RPH3A: variants seen among roughly 807,000 people sequenced by gnomAD.
The protein encoded by RPH3A is rabphilin-3A.
Under a neutral mutation model 102.2 loss-of-function variants are expected in RPH3A, and 48 were observed. The ratio of observed to expected loss-of-function variants is 0.47; its 90% CI spans 0.37 to 0.60. RPH3A has a LOEUF of 0.60. Ranked by LOEUF, RPH3A falls within the 20% of genes least tolerant of loss-of-function variation. RPH3A has a pLI of 0.00. For synonymous variants in RPH3A, 310 were observed against 324.3 expected, an observed-to-expected ratio of 0.96 and a Z score of 0.47; for missense variants, 781 against 910.1, an observed-to-expected ratio of 0.86 and a Z score of 1.83.
At chr12:112,800,750 C>T (rs564057788) in intron 2 of RPH3A, among the ~76,000 whole-genome samples, 1 of 152,038 alleles carries the variant, frequency 6.6e-6, no homozygotes, top group Non-Finnish European at 1.5e-5. Flanking sequence ...CAATCAGGGT[C>T]CACTCCAGTG....
intron 1 of RPH3A, among the ~76,000 whole-genome samples, chr12:112,704,919 T>A (rs1443332488): frequency 6.6e-6 from 1 of 152,212 alleles, no homozygotes; most frequent in Non-Finnish European, 1.5e-5. Context: ...GTGCTAACAA[T>A]CTGGAGATTA....
chr12:112,828,384 A>G lies in RPH3A; in HGVS notation c.66A>G (p.Gln22=), dbSNP rs1001449758. The part of the protein sequence containing the change: ...RWMYPSDRPL[Q]SNDKEQLQAG... ...TGTACCCCAGTGACCGGCCCCTTCA[A>G]TCAAAGTAAGTTGCTGCATCTTCCT... Residue 22 remains glutamine, a synonymous_variant, in exon 3 of 22, where the codon CAA becomes CAG. Coordinates refer to ENST00000389385, the MANE Select transcript of RPH3A (RefSeq NM_001143854.2). 3.7e-6 allele frequency: 6 copies of G among 1,603,422 alleles called. No homozygotes were observed. The highest frequency in any genetic ancestry group is 1.3e-5 in the African/African-American group (1 of 74,188).
At chr12:112,659,900 C>T (rs1051371096) in intron 1 of RPH3A, among the ~76,000 whole-genome samples, 3 of 152,144 alleles carry the variant, frequency 2.0e-5, no homozygotes, top group Non-Finnish European at 2.9e-5. Flanking sequence ...TTTCATCTTG[C>T]ACTTTTCTTG....
chr12:112,575,867 G>A (rs2135955563), intron 1 of RPH3A, among the ~76,000 whole-genome samples: 1 of 152,224 alleles, frequency 6.6e-6, no homozygotes, highest in South Asian at 2.1e-4. Context: ...CACGTTCCCT[G>A]GATCAAGGTT....
intron 1 of RPH3A, among the ~76,000 whole-genome samples, chr12:112,658,898 G>A (rs1326815808): frequency 6.6e-6 from 1 of 152,158 alleles, no homozygotes; most frequent in Non-Finnish European, 1.5e-5. Flanking sequence ...CTTGGGCTTG[G>A]AGGAAGGGGG....
chr12:112,834,673 A>T (rs1272296993), intron 3 of RPH3A, among the ~76,000 whole-genome samples: 1 of 152,154 alleles, frequency 6.6e-6, no homozygotes, highest in Non-Finnish European at 1.5e-5. Context: ...TGTGGTTTTA[A>T]TTTGCATTTC....
In RPH3A at chr12:112,883,232, G is replaced by A. The variant is rs185524958; in HGVS notation, c.1327-61G>A. 6.2e-5 allele frequency: 84 copies of A among 1,364,874 alleles called. No homozygotes were observed. The African/African-American group carries it at 1.0e-3, about 17-fold the overall frequency. The allele number at this position is 1,364,874 out of a possible 1,614,324, so 84.5% of individuals were successfully genotyped here. On this transcript the variant is annotated intron_variant, in intron 15 of 21. Transcript: ENST00000389385. ...CCACCCCACGTCAGCCCAAACGATG[G>A]GGTTCCAGGACTGGCTCCCCACTGA...
At position 112,811,146 on chromosome 12, in the gene RPH3A, A is replaced by G. The variant is rs373244713; in HGVS notation, c.-18-17155A>G. 1.1e-4 allele frequency among the ~76,000 whole-genome samples: 16 copies of G among 152,300 alleles called. No individual in the cohort carries two copies. The East Asian group carries it at 2.5e-3, about 24-fold the overall frequency. ...ACGAATTTTGGTTCCAGTATCTTCA[A>G]CTGATCGAATAGCCTTGTTTTATGT... On this transcript the variant is annotated intron_variant, in intron 2 of 21. Coordinates refer to ENST00000389385, the MANE Select transcript of RPH3A (RefSeq NM_001143854.2).
intron 1 of RPH3A, among the ~76,000 whole-genome samples, chr12:112,678,315 G>GAA (rs1490465362): frequency 2.6e-5 from 3 of 115,990 alleles, no homozygotes; most frequent in Admixed American, 7.9e-5. Flanking sequence ...GAGAGAGAGA[G>GAA]AGAAAGAAAG....
At chr12:112,611,133 G>GTAAGCA (rs1410796072) in intron 1 of RPH3A, among the ~76,000 whole-genome samples, 1 of 152,156 alleles carries the variant, frequency 6.6e-6, no homozygotes, top group Non-Finnish European at 1.5e-5. Flanking sequence ...CAGCTTTTTA[G>GTAAGCA]TAAGCAGAAC....
At chr12:112,821,925 T>A (rs1214153008) in intron 2 of RPH3A, among the ~76,000 whole-genome samples, 1 of 152,106 alleles carries the variant, frequency 6.6e-6, no homozygotes, top group Non-Finnish European at 1.5e-5. Flanking sequence ...GCAATCTGTG[T>A]TTTTAATTAA....
At chr12:112,750,196 G>A (rs748905808) in intron 1 of RPH3A, among the ~76,000 whole-genome samples, 8 of 152,180 alleles carry the variant, frequency 5.3e-5, no homozygotes, top group South Asian at 2.1e-4. Flanking sequence ...CAAAGGCCAC[G>A]AGTAATAATG....
intron 3 of RPH3A, among the ~76,000 whole-genome samples, chr12:112,835,864 G>T (rs554688073): frequency 5.6e-5 from 4 of 71,744 alleles, no homozygotes; most frequent in East Asian, 6.4e-4. Context: ...TTAGGGCAAT[G>T]GTTCAGTTTT....
intron 1 of RPH3A, among the ~76,000 whole-genome samples, chr12:112,591,277 G>T (rs1408132585): frequency 6.6e-6 from 1 of 151,060 alleles, no homozygotes; most frequent in African/African-American, 2.4e-5. Flanking sequence ...TAGGAGATAG[G>T]ATTTTACTAT....
chr12:112,813,729 C>G (rs1468440587), intron 2 of RPH3A, among the ~76,000 whole-genome samples: 1 of 149,660 alleles, frequency 6.7e-6, no homozygotes, highest in African/African-American at 2.5e-5. Context: ...TCAAAAAAAC[C>G]CACAAAAGTG....
chr12:112,645,124 T>A (rs1018849689), intron 1 of RPH3A, among the ~76,000 whole-genome samples: 1 of 152,176 alleles, frequency 6.6e-6, no homozygotes, highest in Non-Finnish European at 1.5e-5. Flanking sequence ...CCGTGAGAGT[T>A]GTTCAAAAAA....
chr12:112,688,088 C>T (rs1245240368), intron 1 of RPH3A, among the ~76,000 whole-genome samples: 1 of 151,970 alleles, frequency 6.6e-6, no homozygotes, highest in Non-Finnish European at 1.5e-5. Flanking sequence ...ATAGTTATAC[C>T]CTGAAATCAT....
chr12:112,585,365 A>C (rs945048515), intron 1 of RPH3A, among the ~76,000 whole-genome samples: 2 of 152,244 alleles, frequency 1.3e-5, no homozygotes, highest in African/African-American at 4.8e-5. Flanking sequence ...GATTTCCCAC[A>C]TAGTGATATT....
At position 112,876,796 on chromosome 12, in the gene RPH3A, T is replaced by C. The variant is rs767173765; in HGVS notation, c.1101T>C (p.Ala367=). The change falls in exon 13 of 22, where the codon GCT becomes GCC. Residue 367 remains alanine, a synonymous_variant. Transcript: ENST00000389385. The part of the protein sequence containing the change: ...SQASAAAPQP[A]AARQPPPPEE... ...CATCTGCAGCTGCCCCCCAGCCTGC[T>C]GCAGCCCGCCAGCCACCACCCCCAG... 6.2e-7 allele frequency: 1 copy of C among 1,610,210 alleles called. No individual in the cohort carries two copies. Among genetic ancestry groups the C allele is most frequent in the South Asian group, 1.1e-5 (1 of 90,212 alleles).
Sources: gnomAD v4.1 joint callset for allele counts (sites outside exome capture counted in the v4.1 genomes callset) on GRCh38, gnomAD v4.1.1 for gene constraint, MANE v1.5 for transcripts, NCBI Gene and HGNC (gene_info 2026-07-23, HGNC 2026-07-21) for gene names.